PRSS50: variants seen among roughly 807,000 people sequenced by gnomAD.
PRSS50 encodes the protein serine protease 50, also known as probable threonine protease PRSS50.
A neutral mutation model predicts 34.2 loss-of-function variants in PRSS50; 23 were observed. That is an observed-to-expected ratio of 0.67 (90% CI 0.48 to 0.95). PRSS50 has a LOEUF of 0.95. Among genes scored for constraint, PRSS50 ranks in the 40% least tolerant of loss-of-function variants. The probability of loss-of-function intolerance (pLI) is 0.00; values close to 1 mark genes in which losing one functional copy is unlikely to be tolerated. For synonymous variants in PRSS50, 224 were observed against 211.2 expected (o/e 1.06, Z -0.53); for missense variants, 484 against 513.4 (o/e 0.94, Z 0.55).
In PRSS50 at chr3:46,712,444, G is replaced by A. The variant is rs1394462735; in HGVS notation, c.960C>T (p.Gly320=). Residue 320 remains glycine, a synonymous_variant, in exon 6 of 6, where the codon GGC becomes GGT. Transcript: ENST00000315170. ...TGEPLVCSME[G]TWYLVGLVSW... ...TCACCAATCCCACCAGGTACCACGT[G>A]CCCTCCATGGAGCAGACCAAGGGCT... 6.2e-7 allele frequency: 1 copy of A among 1,614,122 alleles called. No homozygotes were observed. Among genetic ancestry groups the A allele is most frequent in the Admixed American group, 1.7e-5 (1 of 60,026 alleles).
In PRSS50 at chr3:46,712,441, C is replaced by T. The variant is rs760524585; in HGVS notation, c.963G>A (p.Thr321=). 1.4e-5 allele frequency: 23 copies of T among 1,613,970 alleles called. 1 individual carries two copies. Among genetic ancestry groups the T allele is most frequent in the Middle Eastern group, 1.6e-4 (1 of 6,082 alleles). Residue 321 remains threonine, a synonymous_variant, in exon 6 of 6, where the codon ACG becomes ACA. Coordinates refer to ENST00000315170, the MANE Select transcript of PRSS50 (RefSeq NM_013270.5). ...AGCTCACCAATCCCACCAGGTACCA[C>T]GTGCCCTCCATGGAGCAGACCAAGG... ...GEPLVCSMEG[T]WYLVGLVSWG... is the part of the protein sequence containing the mutation.
chr3:46,713,144 C>T, intron 4 of PRSS50, 77 bp from the exon 5 acceptor site: 2 of 1,532,934 alleles, frequency 1.3e-6, no homozygotes, highest in Non-Finnish European at 8.9e-7. Context: ...CCTCTCTCCA[C>T]TGTTCCCCAC....
intron 5 of PRSS50, 37 bp downstream of exon 5, chr3:46,712,864 G>GC (rs1559498282): frequency 1.2e-6 from 2 of 1,603,950 alleles, no homozygotes; most frequent in South Asian, 2.2e-5. Context: ...TCCCCCAGGT[G>GC]CCCCTGAAGG....
At chr3:46,712,553 AG>A in intron 5 of PRSS50, 71 bp from the exon 6 acceptor site, 3 of 1,425,156 alleles carry the variant, frequency 2.1e-6, no homozygotes, top group Non-Finnish European at 2.9e-6. Context: ...GCTCCAGGAC[AG>A]GCGGGATGTC....
rs1014756760 is a variant in PRSS50, at chr3:46,716,185, C to A, written c.308-488G>T. On this transcript the variant is annotated intron_variant, in intron 2 of 5. Transcript: ENST00000315170. The surrounding 1 kb of genome is among the most constrained non-coding windows in gnomAD (Gnocchi z 4.4). ...GGAGAAAATCCCAGTAGCCAATGAC[C>A]ACAGAAGCTGCTCCGCCCTTAGTCT... Among the ~76,000 whole-genome samples, 3 of 152,178 alleles carry A rather than the reference C, an allele frequency of 2.0e-5. No individual in the cohort carries two copies. The highest frequency in any genetic ancestry group is 2.9e-5 in the Non-Finnish European group (2 of 68,032).
rs769287544 is a variant in PRSS50 at position 46,716,709 on chromosome 3, G to T, written c.307+728C>A. 2.6e-5 allele frequency among the ~76,000 whole-genome samples: 4 copies of T among 152,192 alleles called. No homozygotes were observed. The highest frequency in any genetic ancestry group is 1.3e-4 in the Admixed American group (2 of 15,288). ...GGTGGGAGTGCTCACTGCTGCAGCC[G>T]CTTTGGAAAACAATTTCTCTAGATT... is the stretch of plus-strand genomic sequence containing the variant. On this transcript the variant is annotated intron_variant, in intron 2 of 5. Transcript: ENST00000315170. The surrounding 1 kb of genome is among the most constrained non-coding windows in gnomAD (Gnocchi z 4.4).
At chr3:46,713,121 C>T in intron 4 of PRSS50, 54 bp from the exon 5 acceptor site, 1 of 1,591,404 alleles carries the variant, frequency 6.3e-7, no homozygotes, top group South Asian at 1.1e-5. Context: ...CCACTACCGC[C>T]AGCCTCACTC....
In PRSS50 at chr3:46,715,674, C is replaced by T; in HGVS notation, c.331G>A (p.Asp111Asn). 6.2e-7 allele frequency: 1 copy of T among 1,607,010 alleles called. No individual in the cohort carries two copies. The highest frequency in any genetic ancestry group is 1.1e-5 in the South Asian group (1 of 90,052). ...GCTTCTGGGTCCCTGAGGGTGGGGT[C>T]CTGCTCGTAGGAAAAGCCACAGGCT... ...YRSCGFSYEQ[D>N]PTLRDPEAVA... The change falls in exon 3 of 6, where the codon GAC (aspartate) becomes AAC (asparagine). Residue 111 changes from aspartate (D) to asparagine (N), a missense_variant. Asp to Asn is a conservative substitution (Grantham distance 23, BLOSUM62 1). Transcript: ENST00000315170. The surrounding 1 kb of genome is among the most constrained non-coding windows in gnomAD (Gnocchi z 5.2).
chr3:46,717,323 C>T lies in PRSS50; in HGVS notation c.307+114G>A. The T allele has an allele frequency of 6.7e-6, 8 of 1,187,836 alleles. No individual in the cohort carries two copies. Among genetic ancestry groups the T allele is most frequent in the East Asian group, 2.4e-5 (1 of 40,866 alleles). 73.6% of individuals were successfully genotyped at this position (1,187,836 alleles called of 1,614,324 possible). The stretch of plus-strand genomic sequence containing the variant: ...CTCAATGAACACCTGTAGAAGGAGG[C>T]GCTCCTCTATCCTGCTCGCCCCCGT... On this transcript the variant is annotated intron_variant, in intron 2 of 5. Transcript: ENST00000315170. The surrounding 1 kb of genome is among the most constrained non-coding windows in gnomAD (Gnocchi z 4.5).
At position 46,715,536 on chromosome 3, in the gene PRSS50, A is replaced by C; in HGVS notation, c.469T>G (p.Trp157Gly). 6.2e-7 allele frequency: 1 copy of C among 1,611,384 alleles called. No individual in the cohort carries two copies. Among genetic ancestry groups the C allele is most frequent in the African/African-American group, 1.3e-5 (1 of 74,980 alleles). ...CACCCCACCTCAGCCTTGACTCACCAGATCAGGCAGTGGGCCACAGTCAGC... is the reference window on the plus strand; with the variant it reads ...CACCCCACCTCAGCCTTGACTCACCCGATCAGGCAGTGGGCCACAGTCAGC... ...WVLTVAHCLIWRDVIYSVRVG... is the reference protein window; with the variant it reads ...WVLTVAHCLIGRDVIYSVRVG... The change falls in exon 3 of 6, where the codon TGG becomes GGG. Residue 157 changes from tryptophan (W) to glycine (G), a missense_variant and splice_region_variant. Coordinates refer to ENST00000315170, the MANE Select transcript of PRSS50 (RefSeq NM_013270.5). The surrounding 1 kb of genome is among the most constrained non-coding windows in gnomAD (Gnocchi z 5.2).
At position 46,716,793 on chromosome 3, in the gene PRSS50, C is replaced by T. The variant is rs530720782; in HGVS notation, c.307+644G>A. ...ATTCCTAGTGTTTTCCAAATGGATT[C>T]GTGGATTGTAAATGTAAGTGGGCCG... On this transcript the variant is annotated intron_variant, in intron 2 of 5. Coordinates refer to ENST00000315170, the MANE Select transcript of PRSS50 (RefSeq NM_013270.5). The surrounding 1 kb of genome is among the most constrained non-coding windows in gnomAD (Gnocchi z 4.4). Among the ~76,000 whole-genome samples the T allele has an allele frequency of 2.5e-3, 377 of 152,266 alleles. 1 individual carries two copies. The highest frequency in any genetic ancestry group is 6.8e-3 in the Middle Eastern group (2 of 294).
intron 3 of PRSS50, 101 bp from the exon 4 acceptor site, chr3:46,714,602 G>A (rs1299144076): frequency 2.9e-6 from 4 of 1,368,526 alleles, no homozygotes; most frequent in Admixed American, 2.6e-5. Context: ...AGAAGATCCA[G>A]GAGGGGCCAC....
intron 4 of PRSS50, among the ~76,000 whole-genome samples, 181 bp from the exon 5 acceptor site, chr3:46,713,248 C>A (rs1163337896): frequency 6.6e-6 from 1 of 152,214 alleles, no homozygotes; most frequent in East Asian, 1.9e-4. Context: ...GAGCAGAGTA[C>A]CCCCAACCCA....
chr3:46,712,958 C>G lies in PRSS50; in HGVS notation c.864G>C (p.Gln288His). ...HNFTKIPTLV[Q>H]IIKSQMMCAE... ...CACACATCATCTGGGACTTGATGAT[C>G]TGAACCAGAGTGGGGATTTTGGTGA... The change falls in exon 5 of 6, where the codon CAG (glutamine) becomes CAC (histidine). Residue 288 changes from glutamine (Q) to histidine (H), a missense_variant. Coordinates refer to ENST00000315170, the MANE Select transcript of PRSS50 (RefSeq NM_013270.5). The G allele has an allele frequency of 6.2e-7, 1 of 1,614,160 alleles. No homozygotes were observed. The highest frequency in any genetic ancestry group is 8.5e-7 in the Non-Finnish European group (1 of 1,180,016).
chr3:46,713,587 C>G (rs764805517), intron 4 of PRSS50, among the ~76,000 whole-genome samples: 25 of 152,240 alleles, frequency 1.6e-4, no homozygotes, highest in Non-Finnish European at 3.1e-4. Flanking sequence ...GGGCTGAAGC[C>G]CCCTTGAGCT....
Position 46,717,296 on chromosome 3 carries a change from T to C in PRSS50, c.307+141A>G. On this transcript the variant is annotated intron_variant, in intron 2 of 5. Coordinates refer to ENST00000315170, the MANE Select transcript of PRSS50 (RefSeq NM_013270.5). This position sits in a 1 kb window ranked among gnomAD's most constrained non-coding sequence, Gnocchi z 4.5. Reference sequence around the variant, plus strand: ...CCAGGCCTGACCCACAGGTGTTTAGTGCTCAATGAACACCTGTAGAAGGAG... The same window carrying C: ...CCAGGCCTGACCCACAGGTGTTTAGCGCTCAATGAACACCTGTAGAAGGAG... 1.1e-6 allele frequency: 1 copy of C among 915,548 alleles called. No individual in the cohort carries two copies. The highest frequency in any genetic ancestry group is 1.6e-6 in the Non-Finnish European group (1 of 612,260). 56.7% of individuals were successfully genotyped at this position (915,548 alleles called of 1,614,324 possible).
chr3:46,712,827 G>A lies in PRSS50; in HGVS notation c.921+74C>T, dbSNP rs924471690. On this transcript the variant is annotated intron_variant, in intron 5 of 5. Transcript: ENST00000315170. ...TCCCTTCCCCTACCCAACCTCCACC[G>A]TTCCGCTCTCCCTCCCCAGATGCCT... 38 of 960,150 alleles carry A rather than the reference G, an allele frequency of 4.0e-5. No individual in the cohort carries two copies. In the East Asian group the frequency reaches 1.0e-3, roughly 25 times the overall value. The allele number at this position is 960,150 out of a possible 1,614,324, so 59.5% of individuals were successfully genotyped here. A position where few individuals can be genotyped will look rare whatever the true frequency, so the allele number is the denominator to read the frequency against.
Position 46,714,414 on chromosome 3 carries a change from GA to G in PRSS50, c.557del (p.Val186AlafsTer49), listed in dbSNP as rs1327065009. 1 of 1,613,092 alleles carries G rather than the reference GA, an allele frequency of 6.2e-7. No individual in the cohort carries two copies. Among genetic ancestry groups the G allele is most frequent in the African/African-American group, 1.3e-5 (1 of 75,018 alleles). On this transcript the variant is annotated frameshift_variant, in exon 4 of 6. Coordinates refer to ENST00000315170, the MANE Select transcript of PRSS50 (RefSeq NM_013270.5). LOFTEE classifies it high-confidence loss of function. ...QTASDVPVLQ[V>X]IMHSRYRAQR... ...GGGCCCGGTACCTGCTATGCATGAT[GA>G]CCTGGAGCACCGGGACATCGGAGGC... is the stretch of plus-strand genomic sequence containing the variant.
chr3:46,712,534 G>A lies in PRSS50; in HGVS notation c.922-52C>T, dbSNP rs764990698. ...GTCAGGGAGGCCAGGCAAGGCCAGAGACGACCCAGCTCCAGGACAGGCGGG... is the reference window on the plus strand; with the variant it reads ...GTCAGGGAGGCCAGGCAAGGCCAGAAACGACCCAGCTCCAGGACAGGCGGG... On this transcript the variant is annotated intron_variant, in intron 5 of 5. Coordinates refer to ENST00000315170, the MANE Select transcript of PRSS50 (RefSeq NM_013270.5). 9.7e-6 allele frequency: 15 copies of A among 1,553,906 alleles called. No individual in the cohort carries two copies. In the African/African-American group the frequency reaches 2.0e-4, roughly 21 times the overall value.
Sources: gnomAD v4.1 joint callset for allele counts (sites outside exome capture counted in the v4.1 genomes callset) on GRCh38, gnomAD v4.1.1 for gene constraint, Gnocchi (gnomAD v3.1) non-coding constraint, MANE v1.5 for transcripts, NCBI Gene and HGNC (gene_info 2026-07-23, HGNC 2026-07-21) for gene names.